NR3C1: variants seen among roughly 807,000 people sequenced by gnomAD.
NR3C1 encodes glucocorticoid receptor.
NR3C1 carries 14 observed loss-of-function variants against 74.0 expected under a neutral mutation model. The observed-to-expected ratio is 0.19, with a 90% CI of 0.12 to 0.30. The LOEUF is 0.30. Ranked by LOEUF, NR3C1 falls within the 10% of genes least tolerant of loss-of-function variation. The pLI, the probability that NR3C1 is intolerant of heterozygous loss-of-function variation, is 1.00. For missense variants in NR3C1, 695 were observed against 909.8 expected (o/e 0.76, Z 3.04); for synonymous variants, 308 against 332.5 (o/e 0.93, Z 0.80).
intron 2 of NR3C1, among the ~76,000 whole-genome samples, chr5:143,348,701 G>T (rs1188475303): frequency 6.6e-6 from 1 of 152,108 alleles, no homozygotes; most frequent in East Asian, 1.9e-4. Context: ...ACCTTACGAA[G>T]AAAGTACATG....
chr5:143,285,966 TGA>T, intron 7 of NR3C1, among the ~76,000 whole-genome samples: 1 of 106,664 alleles, frequency 9.4e-6, no homozygotes, highest in Non-Finnish European at 2.2e-5. Context: ...TTAGCCAGAC[TGA>T]TTAAAAAAAA....
intron 5 of NR3C1, 53 bp from the exon 6 acceptor site, chr5:143,298,865 T>C (rs566124626): frequency 1.3e-6 from 2 of 1,585,890 alleles, no homozygotes; most frequent in East Asian, 4.5e-5. Flanking sequence ...AGATCATCTC[T>C]GTGGGAATTG....
chr5:143,343,902 A>G (rs990702030), intron 2 of NR3C1, among the ~76,000 whole-genome samples: 1 of 152,232 alleles, frequency 6.6e-6, no homozygotes, highest in Non-Finnish European at 1.5e-5. Flanking sequence ...AGCATCATAG[A>G]TAAATGAACT....
At chr5:143,424,617 T>C (rs1382585154) in intron 1 of NR3C1, among the ~76,000 whole-genome samples, 2 of 152,226 alleles carry the variant, frequency 1.3e-5, no homozygotes, top group Non-Finnish European at 2.9e-5. Flanking sequence ...TCTAGCCTTA[T>C]ATGGCATTAT....
chr5:143,370,318 T>C (rs1252022582), intron 2 of NR3C1, among the ~76,000 whole-genome samples: 2 of 152,206 alleles, frequency 1.3e-5, no homozygotes, highest in Non-Finnish European at 2.9e-5. Context: ...ATGGTACCCC[T>C]TGCATACACT....
At chr5:143,286,813 T>C (rs1200652664) in intron 7 of NR3C1, among the ~76,000 whole-genome samples, 1 of 152,074 alleles carries the variant, frequency 6.6e-6, no homozygotes, top group African/African-American at 2.4e-5. Flanking sequence ...GTAAGTTTTT[T>C]TTCAAGCACT....
rs1273800857 is a variant in NR3C1 at position 143,403,271 on chromosome 5, C to G, written c.-74G>C. 5.1e-6 allele frequency: 5 copies of G among 985,440 alleles called. No individual in the cohort carries two copies. In the African/African-American group the frequency reaches 8.7e-5, roughly 17 times the overall value. 61.0% of individuals were successfully genotyped at this position (985,440 alleles called of 1,614,324 possible). ...CAGTTCCCGCCGCAGCCGAGATAAA[C>G]AACTTAGCTTGTGAACGCAGAAGGA... On this transcript the variant is annotated 5_prime_UTR_variant, in exon 1 of 9. Transcript: ENST00000394464.
At chr5:143,416,818 G>A (rs1312357978) in intron 1 of NR3C1, among the ~76,000 whole-genome samples, 1 of 152,174 alleles carries the variant, frequency 6.6e-6, no homozygotes, top group Non-Finnish European at 1.5e-5. Context: ...AGTTTGGCTC[G>A]AGTTTCCTTT....
chr5:143,384,960 G>A (rs1264566972), intron 2 of NR3C1, among the ~76,000 whole-genome samples: 1 of 152,244 alleles, frequency 6.6e-6, no homozygotes, highest in African/African-American at 2.4e-5. Context: ...CTCTGCCCCT[G>A]CAGAATGCAT....
chr5:143,316,354 A>C (rs771279945), intron 2 of NR3C1, among the ~76,000 whole-genome samples: 3 of 152,210 alleles, frequency 2.0e-5, no homozygotes, highest in Non-Finnish European at 2.9e-5. Context: ...ATATTAGTTT[A>C]CAGAAAACGA....
In NR3C1 at chr5:143,294,293, T is replaced by C. The variant is rs1490022273; in HGVS notation, c.2023+1167A>G. On this transcript the variant is annotated intron_variant, in intron 7 of 8. Transcript: ENST00000394464. The stretch of plus-strand genomic sequence containing the variant: ...AATTGCAAATGTACTTATTTGTATA[T>C]GAAAGAGGTATTCAGCTATTAACTC... 5 of 960,032 alleles carry C rather than the reference T, an allele frequency of 5.2e-6. No homozygotes were observed. In the East Asian group the frequency reaches 3.4e-4, roughly 66 times the overall value. The allele number at this position is 960,032 out of a possible 1,614,324, so 59.5% of individuals were successfully genotyped here.
At chr5:143,337,102 C>G (rs1420161925) in intron 2 of NR3C1, among the ~76,000 whole-genome samples, 1 of 151,998 alleles carries the variant, frequency 6.6e-6, no homozygotes, top group Non-Finnish European at 1.5e-5. Flanking sequence ...TAGGCTAAAT[C>G]TAAAGGAAAG....
chr5:143,401,271 C>A (rs944263035), intron 1 of NR3C1: 4 of 231,362 alleles, frequency 1.7e-5, no homozygotes, highest in Non-Finnish European at 3.5e-5. Context: ...TTTTCAATCA[C>A]GGCTGTTTGC....
intron 1 of NR3C1, among the ~76,000 whole-genome samples, chr5:143,426,624 C>T (rs191026361): frequency 1.2e-4 from 19 of 152,344 alleles, no homozygotes; most frequent in Non-Finnish European, 1.9e-4. Context: ...GTTGTCAAGA[C>T]TCCTTTGACT....
rs1190022440 is a variant in NR3C1, at chr5:143,281,876, C to A, written c.*13G>T. The A allele has an allele frequency of 6.2e-7, 1 of 1,611,950 alleles. No homozygotes were observed. Among genetic ancestry groups the A allele is most frequent in the Admixed American group, 1.7e-5 (1 of 59,974 alleles). On this transcript the variant is annotated 3_prime_UTR_variant, in exon 9 of 9. Transcript: ENST00000394464. ...TTCGACTTTCTTTAAGGCAACCATTCTTATTAAGGCAGTCACTTTTGATGA... is the reference window on the plus strand; with the variant it reads ...TTCGACTTTCTTTAAGGCAACCATTATTATTAAGGCAGTCACTTTTGATGA...
Position 143,391,964 on chromosome 5 carries a change from C to CTTT in NR3C1, c.1184+7689_1184+7691dup, listed in dbSNP as rs530897697. 1.1e-3 allele frequency among the ~76,000 whole-genome samples: 159 copies of CTTT among 149,434 alleles called. 3 individuals carry two copies. In the East Asian group the frequency reaches 0.022, roughly 21 times the overall value. ...TTATAATGCTTTTTAATTTTCTTTT[C>CTTT]TTTTTTTTTTCTTTTTTTTGAGACG... is the stretch of plus-strand genomic sequence containing the variant. On this transcript the variant is annotated intron_variant, in intron 2 of 8. Coordinates refer to ENST00000394464, the MANE Select transcript of NR3C1 (RefSeq NM_000176.3).
chr5:143,333,007 A>C, intron 2 of NR3C1: 1 of 1,586,934 alleles, frequency 6.3e-7, no homozygotes, highest in Non-Finnish European at 8.5e-7. Context: ...CTGACAGACA[A>C]CACAGTGATT....
chr5:143,352,861 G>A lies in NR3C1; in HGVS notation c.1185-38693C>T, dbSNP rs1453113341. Among the ~76,000 whole-genome samples the A allele has an allele frequency of 2.6e-5, 4 of 152,188 alleles. No homozygotes were observed. In the East Asian group the frequency reaches 7.7e-4, roughly 29 times the overall value. ...TCAGAGAGGTGGTTGCTGAAGGTGG[G>A]GTGGCTGTGGCAATTTCTTAAAGTA... On this transcript the variant is annotated intron_variant, in intron 2 of 8. Coordinates refer to ENST00000394464, the MANE Select transcript of NR3C1 (RefSeq NM_000176.3).
At chr5:143,353,191 G>A (rs1830514254) in intron 2 of NR3C1, among the ~76,000 whole-genome samples, 1 of 152,118 alleles carries the variant, frequency 6.6e-6, no homozygotes. Context: ...CAGCAATTCC[G>A]TCACATTTTC....
Sources: gnomAD v4.1 joint callset for allele counts (sites outside exome capture counted in the v4.1 genomes callset) on GRCh38, gnomAD v4.1.1 for gene constraint, MANE v1.5 for transcripts, NCBI Gene and HGNC (gene_info 2026-07-23, HGNC 2026-07-21) for gene names.